The following PTP4A1 variants were observed in gnomAD, a reference collection of about 807,000 sequenced individuals.
The protein encoded by PTP4A1 is protein tyrosine phosphatase type IVA 1.
Under a neutral mutation model 20.5 loss-of-function variants are expected in PTP4A1, and 9 were observed. That is an observed-to-expected ratio of 0.44 (90% CI 0.26 to 0.77). PTP4A1 has a LOEUF of 0.77. PTP4A1 is among the 30% of genes least tolerant of loss of function. PTP4A1 has a pLI of 0.19. For synonymous variants in PTP4A1, 78 were observed against 67.4 expected, an observed-to-expected ratio of 1.16 and a Z score of -0.77; for missense variants, 137 against 218.8, an observed-to-expected ratio of 0.63 and a Z score of 2.36.
At chr6:63,579,687 A>G (rs1342685656) in intron 5 of PTP4A1, among the ~76,000 whole-genome samples, 1 of 152,202 alleles carries the variant, frequency 6.6e-6, no homozygotes, top group East Asian at 1.9e-4. Flanking sequence ...ACCATCCAAT[A>G]CAACACATAG....
chr6:63,578,851 G>C lies in PTP4A1; in HGVS notation c.199-47G>C, dbSNP rs369966804. 7.1e-6 allele frequency: 10 copies of C among 1,415,366 alleles called. No individual in the cohort carries two copies. The Admixed American group carries it at 1.0e-4, about 15-fold the overall frequency. 87.7% of individuals were successfully genotyped at this position (1,415,366 alleles called of 1,614,324 possible). On this transcript the variant is annotated intron_variant, in intron 3 of 5. Coordinates refer to ENST00000626021, the MANE Select transcript of PTP4A1 (RefSeq NM_003463.5). Reference sequence around the variant, plus strand: ...TTAGAAATTTAGAATTATTACTACAGTGTTTATATTAATGATCTAAAATGT... The same window carrying C: ...TTAGAAATTTAGAATTATTACTACACTGTTTATATTAATGATCTAAAATGT...
At chr6:63,549,243 T>A in intron 2 of PTP4A1, 1 of 741,064 alleles carries the variant, frequency 1.3e-6, no homozygotes. Flanking sequence ...AGCTGTTTGG[T>A]GGTCCAGGGC....
intron 2 of PTP4A1, among the ~76,000 whole-genome samples, chr6:63,547,497 A>AG (rs1776245706): frequency 1.2e-5 from 1 of 82,396 alleles, no homozygotes; most frequent in African/African-American, 4.8e-5. Flanking sequence ...GCCAGGGGGG[A>AG]ATTTTTTTTT....
In PTP4A1 at chr6:63,549,294, T is replaced by C; in HGVS notation, c.-639-1006T>C. On this transcript the variant is annotated intron_variant, in intron 2 of 3. Transcript: ENST00000639568. ...AATCTCAGGAGGCACTTTCAGCCAC[T>C]TACAGAGGATGGCTCTCTGCCGCTG... The C allele has an allele frequency of 1.2e-5, 9 of 754,100 alleles. No homozygotes were observed. The South Asian group carries it at 1.2e-4, about 10-fold the overall frequency. 46.7% of individuals were successfully genotyped at this position (754,100 alleles called of 1,614,324 possible).
chr6:63,540,438 T>C lies in PTP4A1; in HGVS notation c.-639-9862T>C, dbSNP rs139248379. Among the ~76,000 whole-genome samples, 503 of 152,080 alleles carry C rather than the reference T, an allele frequency of 3.3e-3. 4 individuals are homozygous for C. The highest frequency in any genetic ancestry group is 0.011 in the African/African-American group (462 of 41,494). On this transcript the variant is annotated intron_variant, in intron 2 of 3. Coordinates refer to the PTP4A1 transcript ENST00000639568. Reference sequence around the variant, plus strand: ...GAGTTTGAGACCAGCCTGATCAACATGGTGAAACCCCGTCTCTACTGAAAG... The same window carrying C: ...GAGTTTGAGACCAGCCTGATCAACACGGTGAAACCCCGTCTCTACTGAAAG...
chr6:63,567,544 G>T (rs1581942141), upstream of PTP4A1, among the ~76,000 whole-genome samples: 1 of 152,342 alleles, frequency 6.6e-6, no homozygotes, highest in East Asian at 1.9e-4. Flanking sequence ...CAGATGTGCT[G>T]TCAACCAGGT....
upstream of PTP4A1, chr6:63,570,968 C>T (rs1463281000): frequency 3.9e-5 from 6 of 152,098 alleles, no homozygotes; most frequent in Admixed American, 6.5e-5. Context: ...GATTTTTAAG[C>T]TTTCTATATT....
chr6:63,569,309 G>A (rs1238453755), upstream of PTP4A1, among the ~76,000 whole-genome samples: 2 of 152,236 alleles, frequency 1.3e-5, no homozygotes, highest in East Asian at 3.8e-4. Context: ...AGGCTAGAGT[G>A]CAGTGCCATG....
intron 2 of PTP4A1, among the ~76,000 whole-genome samples, chr6:63,542,278 G>C (rs189747721): frequency 4.7e-4 from 72 of 152,170 alleles, no homozygotes; most frequent in African/African-American, 1.6e-3. Flanking sequence ...CAGGGGGAAA[G>C]GGTGGGAAGA....
chr6:63,532,833 GA>G (rs578165826), intron 2 of PTP4A1, among the ~76,000 whole-genome samples: 1,820 of 150,166 alleles, frequency 0.012, 25 homozygotes, highest in South Asian at 0.029. Flanking sequence ...ATATCGTCTG[GA>G]AAAAAAAATA....
chr6:63,525,879 G>A (rs567060233), intron 1 of PTP4A1, among the ~76,000 whole-genome samples: 1 of 152,286 alleles, frequency 6.6e-6, no homozygotes, highest in African/African-American at 2.4e-5. Flanking sequence ...TGATACAAAT[G>A]TTAATATTTG....
chr6:63,542,411 A>G (rs1473637270), intron 2 of PTP4A1, among the ~76,000 whole-genome samples: 1 of 152,014 alleles, frequency 6.6e-6, no homozygotes, highest in Non-Finnish European at 1.5e-5. Context: ...CCTGTTCCCC[A>G]ATAACCTATG....
chr6:63,520,704 T>C (rs1562109718), upstream of PTP4A1, among the ~76,000 whole-genome samples: 1 of 151,930 alleles, frequency 6.6e-6, no homozygotes, highest in Non-Finnish European at 1.5e-5. Flanking sequence ...AAAAAGACTT[T>C]GGCACAATTG....
Position 63,572,543 on chromosome 6 carries a change from C to G in PTP4A1, c.-622C>G, listed in dbSNP as rs1038229503. 2.5e-6 allele frequency: 1 copy of G among 396,340 alleles called. No individual in the cohort carries two copies. Among genetic ancestry groups the G allele is most frequent in the South Asian group, 1.2e-4 (1 of 8,160 alleles). The allele number at this position is 396,340 out of a possible 1,614,324, so 24.6% of individuals were successfully genotyped here. A position where few individuals can be genotyped will look rare whatever the true frequency, so the allele number is the denominator to read the frequency against. On this transcript the variant is annotated 5_prime_UTR_variant, in exon 1 of 6. Transcript: ENST00000626021. The stretch of plus-strand genomic sequence containing the variant: ...GCTCGGCTACGCGCTCTGCTCCGAG[C>G]CGCTCACTGCATGGTAGAGTCTGGT...
intron 1 of PTP4A1, among the ~76,000 whole-genome samples, chr6:63,523,618 C>A (rs1187140042): frequency 6.6e-6 from 1 of 152,220 alleles, no homozygotes; most frequent in Non-Finnish European, 1.5e-5. Flanking sequence ...CCACTCAGAT[C>A]TAAGACATCT....
At position 63,540,104 on chromosome 6, in the gene PTP4A1, T is replaced by C. The variant is rs74632838; in HGVS notation, c.-639-10196T>C. The stretch of plus-strand genomic sequence containing the variant: ...CTGCACTTTAGCTCCTGGGTATCCA[T>C]CCCTAAGACATTTTGAACATCCAAA... On this transcript the variant is annotated intron_variant, in intron 2 of 3. Coordinates refer to the PTP4A1 transcript ENST00000639568. Among the ~76,000 whole-genome samples the C allele has an allele frequency of 7.0e-3, 1,061 of 152,204 alleles. 7 individuals are homozygous for C. Among genetic ancestry groups the C allele is most frequent in the African/African-American group, 0.024 (988 of 41,554 alleles).
chr6:63,540,425 A>G (rs1775908880), intron 2 of PTP4A1, among the ~76,000 whole-genome samples: 1 of 152,110 alleles, frequency 6.6e-6, no homozygotes, highest in Admixed American at 6.6e-5. Context: ...GTTTGAGACC[A>G]GCCTGATCAA....
rs534855708 is a variant in PTP4A1 at position 63,529,077 on chromosome 6, G to A, written c.-640+993G>A. ...GCACTCCAGCCTGGGCAACAAGAGC[G>A]AAACTCCATCTCAAAATATATATAT... On this transcript the variant is annotated intron_variant, in intron 2 of 3. Transcript: ENST00000639568. Among the ~76,000 whole-genome samples, 6 of 149,396 alleles carry A rather than the reference G, an allele frequency of 4.0e-5. No individual in the cohort carries two copies. In the South Asian group the frequency reaches 6.3e-4, roughly 16 times the overall value.
chr6:63,569,977 A>G (rs966774134), upstream of PTP4A1, among the ~76,000 whole-genome samples: 3 of 152,196 alleles, frequency 2.0e-5, no homozygotes, highest in Non-Finnish European at 4.4e-5. Context: ...TATTAAACTA[A>G]ATACAGCAGA....
Sources: allele counts gnomAD v4.1 joint callset (sites outside exome capture counted in the v4.1 genomes callset), GRCh38; gene constraint gnomAD v4.1.1; transcripts MANE v1.5; gene names NCBI Gene and HGNC (gene_info 2026-07-23, HGNC 2026-07-21).